The following ADRA1B variants were observed in gnomAD, a reference collection of about 807,000 sequenced individuals.
The protein encoded by ADRA1B is alpha-1B adrenergic receptor.
A neutral mutation model predicts 17.9 loss-of-function variants in ADRA1B; 17 were observed. That is an observed-to-expected ratio of 0.95 (90% CI 0.65 to 1.42). The LOEUF is 1.42. Ranked by LOEUF, ADRA1B falls within the 40% of genes most tolerant of loss-of-function variation. The probability of loss-of-function intolerance (pLI) is 0.00; values close to 1 mark genes in which losing one functional copy is unlikely to be tolerated. For missense variants in ADRA1B, 681 were observed against 722.1 expected, an observed-to-expected ratio of 0.94 and a Z score of 0.65; for synonymous variants, 366 against 327.6, an observed-to-expected ratio of 1.12 and a Z score of -1.27.
At chr5:159,948,497 C>T (rs777074790) in intron 1 of ADRA1B, 152 of 979,952 alleles carry the variant, frequency 1.6e-4, no homozygotes, top group Non-Finnish European at 1.7e-4. Context: ...CGTTTTATTA[C>T]AAGAAGTTAT....
At chr5:159,882,927 G>T (rs908594942) in intron 1 of ADRA1B, among the ~76,000 whole-genome samples, 1 of 152,202 alleles carries the variant, frequency 6.6e-6, no homozygotes, top group Non-Finnish European at 1.5e-5. Context: ...AAGACGCCAT[G>T]GCTGGAATAA....
chr5:159,985,437 A>G, the ADRA1B span, among the ~76,000 whole-genome samples: 7 of 152,188 alleles, frequency 4.6e-5, no homozygotes, highest in African/African-American at 1.7e-4. Flanking sequence ...GCACTCCTTA[A>G]ATACTTATTG....
chr5:159,929,181 AAAC>A (rs1376311766), intron 1 of ADRA1B: 4 of 152,238 alleles, frequency 2.6e-5, no homozygotes, highest in African/African-American at 9.6e-5. Context: ...AATGTTGAAA[AAAC>A]AAATTTATTA....
At chr5:159,909,516 G>A (rs181089366) in intron 1 of ADRA1B, among the ~76,000 whole-genome samples, 17 of 152,326 alleles carry the variant, frequency 1.1e-4, no homozygotes, top group Admixed American at 9.8e-4. Context: ...ACAAAAAAAG[G>A]AAGAAGAGAA....
chr5:159,884,744 G>A (rs1753905111), intron 1 of ADRA1B, among the ~76,000 whole-genome samples: 1 of 152,156 alleles, frequency 6.6e-6, no homozygotes, highest in Non-Finnish European at 1.5e-5. Context: ...AAAACACAGA[G>A]GAGTTAGCCA....
intron 1 of ADRA1B, among the ~76,000 whole-genome samples, chr5:159,889,169 T>C (rs148568312): frequency 4.0e-4 from 61 of 152,268 alleles, no homozygotes; most frequent in African/African-American, 1.4e-3. Context: ...CTGGGGTCGG[T>C]GGTTTGCAGT....
intron 1 of ADRA1B, among the ~76,000 whole-genome samples, chr5:159,932,158 CT>C (rs1754826549): frequency 6.6e-6 from 1 of 151,736 alleles, no homozygotes; most frequent in Admixed American, 6.6e-5. Flanking sequence ...TTTTTCTTTT[CT>C]TTTTTGTTTT....
chr5:159,924,431 C>A (rs1174970135), intron 1 of ADRA1B, among the ~76,000 whole-genome samples: 3 of 151,954 alleles, frequency 2.0e-5, no homozygotes, highest in Non-Finnish European at 4.4e-5. Context: ...CGGCTAGACA[C>A]AACAAATATT....
At chr5:159,938,653 G>GTCTTTATTTGC (rs1755021070) in intron 1 of ADRA1B, among the ~76,000 whole-genome samples, 2 of 152,242 alleles carry the variant, frequency 1.3e-5, no homozygotes, top group Non-Finnish European at 2.9e-5. Flanking sequence ...TCATTTGCCA[G>GTCTTTATTTGC]CATTTAATAC....
Position 159,917,815 on chromosome 5 carries a change from A to G in ADRA1B, c.910A>G (p.Ile304Val). The G allele has an allele frequency of 1.2e-6, 2 of 1,612,746 alleles. No individual in the cohort carries two copies. The highest frequency in any genetic ancestry group is 1.7e-6 in the Non-Finnish European group (2 of 1,179,692). The change falls in exon 1 of 2, where the codon ATC becomes GTC. Residue 304 changes from isoleucine (I) to valine (V), a missense_variant. Ile to Val is a conservative substitution (Grantham distance 29, BLOSUM62 3). This residue lies in a region of ADRA1B where 424 missense variants were observed against 480.2 expected (regional missense o/e 0.88). Coordinates refer to ENST00000306675, the MANE Select transcript of ADRA1B (RefSeq NM_000679.4). ...GTTGGGCATTGTGGTCGGTATGTTCATCTTGTGCTGGCTACCCTTCTTCAT... is the reference window on the plus strand; with the variant it reads ...GTTGGGCATTGTGGTCGGTATGTTCGTCTTGTGCTGGCTACCCTTCTTCAT... ...KTLGIVVGMF[I>V]LCWLPFFIAL... is the part of the protein sequence containing the mutation.
intron 1 of ADRA1B, among the ~76,000 whole-genome samples, chr5:159,939,322 T>TGTGTGTGTGCGCGC (rs1554090928): frequency 4.2e-4 from 45 of 107,654 alleles, no homozygotes; most frequent in African/African-American, 1.4e-3. Context: ...TGTGTGTGTG[T>TGTGTGTGTGCGCGC]GCGCGCGCGC....
chr5:159,962,080 C>T (rs1487625762), intron 1 of ADRA1B, among the ~76,000 whole-genome samples: 6 of 152,146 alleles, frequency 3.9e-5, no homozygotes, highest in Non-Finnish European at 8.8e-5. Context: ...GCACTATAGT[C>T]CCAGCTACTC....
chr5:159,865,280 T>C (rs1455336454), intron 1 of ADRA1B: 1 of 152,176 alleles, frequency 6.6e-6, no homozygotes, highest in Non-Finnish European at 1.5e-5. Context: ...TTTTTTTAAG[T>C]TTGGCTCAAT....
At position 159,916,704 on chromosome 5, in the gene ADRA1B, C is replaced by A; in HGVS notation, c.-202C>A. On this transcript the variant is annotated 5_prime_UTR_variant, in exon 1 of 2. Transcript: ENST00000306675. ...TCGTCCCCTCTCCTCCTCCTCCTCC[C>A]TCTGACAGGCGAGCGAGCGACTCGG... The A allele has an allele frequency of 1.7e-6, 1 of 574,766 alleles. No individual in the cohort carries two copies. The highest frequency in any genetic ancestry group is 2.4e-5 in the South Asian group (1 of 41,514). The allele number at this position is 574,766 out of a possible 1,614,324, so 35.6% of individuals were successfully genotyped here. A position where few individuals can be genotyped will look rare whatever the true frequency, so the allele number is the denominator to read the frequency against.
At position 159,916,718 on chromosome 5, in the gene ADRA1B, C is replaced by G. The variant is rs961914731; in HGVS notation, c.-188C>G. On this transcript the variant is annotated 5_prime_UTR_variant, in exon 1 of 2. Coordinates refer to ENST00000306675, the MANE Select transcript of ADRA1B (RefSeq NM_000679.4). The stretch of plus-strand genomic sequence containing the variant: ...CCTCCTCCTCCCTCTGACAGGCGAG[C>G]GAGCGACTCGGTGCAGGCAGGAGAC... 4 of 581,156 alleles carry G rather than the reference C, an allele frequency of 6.9e-6. No individual in the cohort carries two copies. Among genetic ancestry groups the G allele is most frequent in the Non-Finnish European group, 1.2e-5 (4 of 329,828 alleles). 36.0% of individuals were successfully genotyped at this position (581,156 alleles called of 1,614,324 possible).
chr5:159,885,990 T>C (rs1471724643), intron 1 of ADRA1B, among the ~76,000 whole-genome samples: 2 of 152,218 alleles, frequency 1.3e-5, no homozygotes, highest in East Asian at 3.8e-4. Context: ...AGATTCAAAA[T>C]TTAAGCAGTC....
At chr5:159,939,691 T>C (rs4921242) in intron 1 of ADRA1B, among the ~76,000 whole-genome samples, 17,859 of 152,198 alleles carry the variant, frequency 0.12, 1,321 homozygotes, top group Non-Finnish European at 0.16. Flanking sequence ...AGAGAATTAA[T>C]AGCCAGTAAG....
At chr5:159,924,335 T>C (rs933498343) in intron 1 of ADRA1B, among the ~76,000 whole-genome samples, 1 of 152,186 alleles carries the variant, frequency 6.6e-6, no homozygotes, top group African/African-American at 2.4e-5. Context: ...AATTAAAAGT[T>C]AGTACCCTAT....
intron 1 of ADRA1B, among the ~76,000 whole-genome samples, chr5:159,875,603 T>C (rs1284599923): frequency 3.3e-5 from 5 of 152,248 alleles, no homozygotes; most frequent in Non-Finnish European, 7.4e-5. Flanking sequence ...AATAAAAATA[T>C]CCAGCCACAG....
Sources: allele counts gnomAD v4.1 joint callset (sites outside exome capture counted in the v4.1 genomes callset), GRCh38; gene constraint gnomAD v4.1.1; regional missense constraint gnomAD v4.1.1; transcripts MANE v1.5; gene names NCBI Gene and HGNC (gene_info 2026-07-23, HGNC 2026-07-21).